Variants in HEXD observed in about 807,000 individuals in gnomAD.
HEXD encodes the protein hexosaminidase D.
HEXD carries 47 observed loss-of-function variants against 54.2 expected under a neutral mutation model. The ratio of observed to expected loss-of-function variants is 0.87; its 90% CI spans 0.69 to 1.11. The LOEUF is 1.11. Among genes scored for constraint, HEXD ranks in the 50% least tolerant of loss-of-function variants. The pLI is 0.00. For synonymous variants in HEXD, 293 were observed against 287.6 expected, an observed-to-expected ratio of 1.02 and a Z score of -0.19; for missense variants, 576 against 649.2, an observed-to-expected ratio of 0.89 and a Z score of 1.23.
chr17:82,433,167 C>T (rs868718365), intron 4 of HEXD, among the ~76,000 whole-genome samples: 1 of 82,430 alleles, frequency 1.2e-5, no homozygotes, highest in South Asian at 4.6e-4. Context: ...TTAGTCTGGG[C>T]GTGGTGGTTC....
Position 82,434,031 on chromosome 17 carries a change from G to A in HEXD, c.447+209G>A, listed in dbSNP as rs965696465. On this transcript the variant is annotated intron_variant, in intron 5 of 12. Transcript: ENST00000327949. This position sits in a 1 kb window ranked among gnomAD's most constrained non-coding sequence, Gnocchi z 4.5. The stretch of plus-strand genomic sequence containing the variant: ...AGGGAGGCACCCTCGTGTCAGACGC[G>A]TCCAACATCTTCTCCGGGTGGATGG... Among the ~76,000 whole-genome samples, 110 of 151,304 alleles carry A rather than the reference G, an allele frequency of 7.3e-4. No individual in the cohort carries two copies. Among genetic ancestry groups the A allele is most frequent in the Middle Eastern group, 3.2e-3 (1 of 316 alleles).
intron 11 of HEXD, 98 bp from the exon 12 acceptor site, chr17:82,441,702 A>G (rs1347426710): frequency 2.2e-6 from 2 of 929,822 alleles, no homozygotes; most frequent in African/African-American, 3.2e-5. Flanking sequence ...AGACTTAGAA[A>G]TGTCAACCCC....
At chr17:82,429,635 C>T (rs548568931) in intron 4 of HEXD, among the ~76,000 whole-genome samples, 12 of 152,282 alleles carry the variant, frequency 7.9e-5, no homozygotes, top group African/African-American at 2.9e-4. Context: ...TTAGTCCTTT[C>T]CTGCTGGGCC....
At chr17:82,441,668 C>T (rs1018676154) in intron 11 of HEXD, 132 bp from the exon 12 acceptor site, 8 of 783,806 alleles carry the variant, frequency 1.0e-5, no homozygotes, top group Non-Finnish European at 1.8e-5. Flanking sequence ...CCTCATCCTT[C>T]ACAAAGACTT....
intron 3 of HEXD, chr17:82,426,384 T>C (rs2053415515): frequency 6.6e-6 from 1 of 152,088 alleles, no homozygotes; most frequent in African/African-American, 2.4e-5. Flanking sequence ...CTGGGCCGTG[T>C]GGTCAGGATG....
rs753957586 is a variant in HEXD at position 82,419,754 on chromosome 17, A to G, written c.-46A>G. On this transcript the variant is annotated 5_prime_UTR_variant, in exon 2 of 13. Transcript: ENST00000327949. The stretch of plus-strand genomic sequence containing the variant: ...CTCTTGATTTTCTCCACTAGGAAGA[A>G]GTCCCCAAGGAGACTTCGCCATAGG... The G allele has an allele frequency of 8.1e-7, 1 of 1,239,150 alleles. No homozygotes were observed. Among genetic ancestry groups the G allele is most frequent in the Non-Finnish European group, 1.2e-6 (1 of 845,570 alleles). The allele number at this position is 1,239,150 out of a possible 1,614,324, so 76.8% of individuals were successfully genotyped here.
At chr17:82,431,038 A>C (rs1487390508) in intron 4 of HEXD, among the ~76,000 whole-genome samples, 4 of 151,984 alleles carry the variant, frequency 2.6e-5, no homozygotes, top group Admixed American at 2.6e-4. Flanking sequence ...TCACTCTGTC[A>C]CCCAGGCTGG....
intron 9 of HEXD, among the ~76,000 whole-genome samples, 184 bp from the exon 10 acceptor site, chr17:82,440,813 G>A (rs1599757962): frequency 2.0e-5 from 3 of 152,354 alleles, no homozygotes. Flanking sequence ...CGTGTTTAAA[G>A]AGAAGCAGCA....
chr17:82,442,114 C>T lies in HEXD; in HGVS notation c.1254-63C>T. On this transcript the variant is annotated intron_variant, in intron 12 of 12. Transcript: ENST00000327949. The surrounding 1 kb of genome is among the most constrained non-coding windows in gnomAD (Gnocchi z 6.8). ...GAACTGAGGCACAGGGCAGTACTGACCATGGGGCTGAGGGCAAGTCCCAAG... is the reference window on the plus strand; with the variant it reads ...GAACTGAGGCACAGGGCAGTACTGATCATGGGGCTGAGGGCAAGTCCCAAG... The T allele has an allele frequency of 6.5e-7, 1 of 1,548,230 alleles. No homozygotes were observed. Among genetic ancestry groups the T allele is most frequent in the Admixed American group, 1.7e-5 (1 of 58,448 alleles).
chr17:82,420,984 C>G (rs117197258), intron 2 of HEXD, among the ~76,000 whole-genome samples: 1,718 of 152,208 alleles, frequency 0.011, 21 homozygotes, highest in Middle Eastern at 0.024. Flanking sequence ...TGGGACCAAA[C>G]CACAGACAGA....
chr17:82,435,978 G>A, intron 6 of HEXD, 106 bp downstream of exon 6: 3 of 1,114,096 alleles, frequency 2.7e-6, no homozygotes, highest in Non-Finnish European at 3.8e-6. Context: ...GTGAGCCCCA[G>A]CCCCGCACAG....
At chr17:82,429,447 C>T (rs2053514536) in intron 4 of HEXD, among the ~76,000 whole-genome samples, 2 of 152,054 alleles carry the variant, frequency 1.3e-5, no homozygotes, top group African/African-American at 4.8e-5. Flanking sequence ...TGTCGGTGTT[C>T]TGGGCGTGCC....
intron 6 of HEXD, 25 bp downstream of exon 6, chr17:82,435,897 G>T: frequency 6.3e-7 from 1 of 1,592,284 alleles, no homozygotes; most frequent in Non-Finnish European, 8.5e-7. Context: ...CTGGGGGAGG[G>T]GGTGGGCCAC....
In HEXD at chr17:82,434,087, C is replaced by T. The variant is rs1391432520; in HGVS notation, c.447+265C>T. On this transcript the variant is annotated intron_variant, in intron 5 of 12. Transcript: ENST00000327949. This position sits in a 1 kb window ranked among gnomAD's most constrained non-coding sequence, Gnocchi z 4.5. The stretch of plus-strand genomic sequence containing the variant: ...CTGGCACGGGACAGCCTGCAGAGCC[C>T]GAGGGAGGCACCCTCGTGTCAGACG... Among the ~76,000 whole-genome samples the T allele has an allele frequency of 2.6e-5, 4 of 152,206 alleles. No homozygotes were observed. Among genetic ancestry groups the T allele is most frequent in the Non-Finnish European group, 4.4e-5 (3 of 68,036 alleles).
At chr17:82,422,960 G>A (rs1271930003) in intron 2 of HEXD, among the ~76,000 whole-genome samples, 2 of 152,012 alleles carry the variant, frequency 1.3e-5, no homozygotes, top group African/African-American at 2.4e-5. Context: ...GGGAGACTGA[G>A]GCAGGAGAAT....
chr17:82,427,515 A>G (rs1224351016), intron 3 of HEXD, among the ~76,000 whole-genome samples: 1 of 152,126 alleles, frequency 6.6e-6, no homozygotes, highest in East Asian at 1.9e-4. Flanking sequence ...GTTGGCCTGC[A>G]ATGAGATAAT....
intron 8 of HEXD, among the ~76,000 whole-genome samples, chr17:82,438,304 A>T (rs529977402): frequency 6.6e-6 from 1 of 152,268 alleles, no homozygotes; most frequent in African/African-American, 2.4e-5. Flanking sequence ...TGTGTAGCCT[A>T]TGGAAGCCTA....
rs919306200 is a variant in HEXD, at chr17:82,434,201, G to A, written c.447+379G>A. Among the ~76,000 whole-genome samples, 4 of 152,242 alleles carry A rather than the reference G, an allele frequency of 2.6e-5. No individual in the cohort carries two copies. The highest frequency in any genetic ancestry group is 7.2e-5 in the African/African-American group (3 of 41,462). On this transcript the variant is annotated intron_variant, in intron 5 of 12. Coordinates refer to ENST00000327949, the MANE Select transcript of HEXD (RefSeq NM_001330542.2). This position sits in a 1 kb window ranked among gnomAD's most constrained non-coding sequence, Gnocchi z 4.5. ...ACCAGCAGTGAGCATAAGTCAGGGT[G>A]TAACTCGAGGGACACCCTTTTGTTG...
chr17:82,439,822 C>T lies in HEXD; in HGVS notation c.982+109C>T, dbSNP rs1383456324. Reference sequence around the variant, plus strand: ...AACCACCCTGCTGGACTGTGGTGGTCCTCACAGTCGGAGGATGGTCTCACC... The same window carrying T: ...AACCACCCTGCTGGACTGTGGTGGTTCTCACAGTCGGAGGATGGTCTCACC... On this transcript the variant is annotated intron_variant, in intron 9 of 12. Transcript: ENST00000327949. The T allele has an allele frequency of 1.9e-6, 3 of 1,585,294 alleles. No homozygotes were observed. In the South Asian group the frequency reaches 3.4e-5, roughly 18 times the overall value.
Sources: gnomAD v4.1 joint callset for allele counts (sites outside exome capture counted in the v4.1 genomes callset) on GRCh38, gnomAD v4.1.1 for gene constraint, Gnocchi (gnomAD v3.1) non-coding constraint, MANE v1.5 for transcripts, NCBI Gene and HGNC (gene_info 2026-07-23, HGNC 2026-07-21) for gene names.